The following B3GALT1 variants were observed in gnomAD, a reference collection of about 807,000 sequenced individuals.
The protein encoded by B3GALT1 is beta-1,3-galactosyltransferase 1.
Under a neutral mutation model 23.2 loss-of-function variants are expected in B3GALT1, and 10 were observed. The ratio of observed to expected loss-of-function variants is 0.43; its 90% CI spans 0.27 to 0.73. The LOEUF (loss-of-function observed/expected upper bound fraction) is 0.73. Among genes scored for constraint, B3GALT1 ranks in the 30% least tolerant of loss-of-function variants. B3GALT1 has a pLI of 0.21. For missense variants in B3GALT1, 299 were observed against 405.4 expected (o/e 0.74, Z 2.25); for synonymous variants, 156 against 141.5 (o/e 1.10, Z -0.73).
At chr2:167,402,456 G>A (rs936107317) in intron 1 of B3GALT1, among the ~76,000 whole-genome samples, 6 of 152,226 alleles carry the variant, frequency 3.9e-5, no homozygotes, top group South Asian at 2.1e-4. Flanking sequence ...TGATAGAATA[G>A]CTAAGTGAAC....
chr2:167,559,211 G>A (rs1683918394), intron 2 of B3GALT1, among the ~76,000 whole-genome samples: 1 of 152,144 alleles, frequency 6.6e-6, no homozygotes, highest in Non-Finnish European at 1.5e-5. Flanking sequence ...GTCTGGAGTG[G>A]ACCTCTAGCA....
intron 1 of B3GALT1, among the ~76,000 whole-genome samples, chr2:167,301,363 C>T (rs1478047920): frequency 1.3e-5 from 2 of 152,154 alleles, no homozygotes; most frequent in Admixed American, 6.5e-5. Flanking sequence ...TTTCTGGGTA[C>T]CATCACTGAT....
chr2:167,537,825 CTTTT>C (rs530916294), intron 2 of B3GALT1, among the ~76,000 whole-genome samples: 4 of 132,910 alleles, frequency 3.0e-5, no homozygotes, highest in Non-Finnish European at 3.2e-5. Context: ...GATGCTTGTT[CTTTT>C]TTTTTTTTTT....
At chr2:167,838,612 G>A (rs1223214986) in intron 4 of B3GALT1, among the ~76,000 whole-genome samples, 1 of 152,290 alleles carries the variant, frequency 6.6e-6, no homozygotes, top group Non-Finnish European at 1.5e-5. Context: ...GGAGGAACTG[G>A]TACCATTTCT....
intron 2 of B3GALT1, among the ~76,000 whole-genome samples, chr2:167,540,887 T>G (rs1210866619): frequency 6.6e-6 from 1 of 152,218 alleles, no homozygotes; most frequent in African/African-American, 2.4e-5. Flanking sequence ...CAACAGTGGA[T>G]GTTAATATGA....
rs568171327 is a variant in B3GALT1 at position 167,695,191 on chromosome 2, A to C, written c.-352+48225A>C. Among the ~76,000 whole-genome samples the C allele has an allele frequency of 8.5e-5, 13 of 152,204 alleles. No individual in the cohort carries two copies. The South Asian group carries it at 2.7e-3, about 32-fold the overall frequency. On this transcript the variant is annotated intron_variant, in intron 3 of 4. Transcript: ENST00000392690. ...CCAATAGCATTCCATTTTCTCTCTT[A>C]TTCTCAAATTCAGTTCACTCTGGGA... is the stretch of plus-strand genomic sequence containing the variant.
intron 1 of B3GALT1, among the ~76,000 whole-genome samples, chr2:167,374,016 C>G (rs1327476877): frequency 6.6e-6 from 1 of 152,158 alleles, no homozygotes; most frequent in Non-Finnish European, 1.5e-5. Context: ...GACTCTGTCT[C>G]TTCTCCCCCT....
chr2:167,797,543 G>A (rs1252354308), intron 3 of B3GALT1, among the ~76,000 whole-genome samples: 1 of 152,164 alleles, frequency 6.6e-6, no homozygotes, highest in Non-Finnish European at 1.5e-5. Flanking sequence ...AGATCTTTGA[G>A]GAACTGCCAC....
intron 1 of B3GALT1, among the ~76,000 whole-genome samples, chr2:167,348,746 A>G (rs1697263041): frequency 6.6e-6 from 1 of 152,142 alleles, no homozygotes; most frequent in Admixed American, 6.5e-5. Context: ...TACCTATTAC[A>G]GAAAGCTCTC....
At chr2:167,439,857 T>G (rs1430216548) in intron 1 of B3GALT1, among the ~76,000 whole-genome samples, 1 of 152,044 alleles carries the variant, frequency 6.6e-6, no homozygotes, top group Non-Finnish European at 1.5e-5. Flanking sequence ...AGCCTCAATG[T>G]GTTAAACTAC....
chr2:167,666,993 A>T (rs1686207862), intron 3 of B3GALT1, among the ~76,000 whole-genome samples: 1 of 150,944 alleles, frequency 6.6e-6, no homozygotes, highest in African/African-American at 2.5e-5. Flanking sequence ...TCCTGTCATT[A>T]TGACGATTGT....
At chr2:167,756,898 GA>G (rs574294276) in intron 3 of B3GALT1, among the ~76,000 whole-genome samples, 3 of 152,156 alleles carry the variant, frequency 2.0e-5, no homozygotes, top group Non-Finnish European at 4.4e-5. Flanking sequence ...ATCTTTGTAA[GA>G]GGATGAAATA....
chr2:167,621,832 T>G (rs922216723), intron 2 of B3GALT1, among the ~76,000 whole-genome samples: 2 of 151,994 alleles, frequency 1.3e-5, no homozygotes, highest in Non-Finnish European at 2.9e-5. Context: ...CATGTTTGCT[T>G]CCCCTTCTAC....
chr2:167,591,049 C>T (rs1186651182), intron 2 of B3GALT1, among the ~76,000 whole-genome samples: 2 of 152,116 alleles, frequency 1.3e-5, no homozygotes, highest in Admixed American at 1.3e-4. Flanking sequence ...AGGCCAAAAT[C>T]CTTGCCTTCT....
At chr2:167,492,710 A>C (rs1699727916) in intron 2 of B3GALT1, among the ~76,000 whole-genome samples, 1 of 152,166 alleles carries the variant, frequency 6.6e-6, no homozygotes, top group African/African-American at 2.4e-5. Context: ...TCATGTTCTA[A>C]CATAATAAAC....
At chr2:167,538,492 G>A (rs80041854) in intron 2 of B3GALT1, among the ~76,000 whole-genome samples, 14,260 of 152,142 alleles carry the variant, frequency 0.094, 930 homozygotes, top group African/African-American at 0.18. Flanking sequence ...TTAAGGGTGT[G>A]ATTTCAATCT....
chr2:167,830,410 G>C (rs1360865282), intron 4 of B3GALT1, among the ~76,000 whole-genome samples: 1 of 151,974 alleles, frequency 6.6e-6, no homozygotes, highest in Non-Finnish European at 1.5e-5. Context: ...GACAATCAAG[G>C]AGACGTGCAA....
rs10683932 is a variant in B3GALT1, at chr2:167,365,585, TACACACACAC to T, written c.-511+72282_-511+72291del. ...TGCATATTCATAATAGAGATACAAATACACACACACACACACACACACACACACACACACA... is the reference window on the plus strand; with the variant it reads ...TGCATATTCATAATAGAGATACAAATACACACACACACACACACACACACA... On this transcript the variant is annotated intron_variant, in intron 1 of 4. Coordinates refer to ENST00000392690, the MANE Select transcript of B3GALT1 (RefSeq NM_020981.4). Among the ~76,000 whole-genome samples the T allele has an allele frequency of 9.8e-4, 137 of 140,468 alleles. 1 individual carries two copies. The East Asian group carries it at 0.017, about 18-fold the overall frequency. The allele number at this position is 140,468 out of a possible 152,430, so 92.2% of individuals were successfully genotyped here.
At chr2:167,841,676 CTGTTT>C (rs940999841) in intron 4 of B3GALT1, among the ~76,000 whole-genome samples, 25 of 152,302 alleles carry the variant, frequency 1.6e-4, no homozygotes, top group African/African-American at 5.8e-4. Flanking sequence ...ACGTTCCAGG[CTGTTT>C]TGTTTTTTCT....
Sources: gnomAD v4.1 joint callset for allele counts (sites outside exome capture counted in the v4.1 genomes callset) on GRCh38, gnomAD v4.1.1 for gene constraint, MANE v1.5 for transcripts, NCBI Gene and HGNC (gene_info 2026-07-23, HGNC 2026-07-21) for gene names.